The following PTPRS variants were observed in gnomAD, a reference collection of about 807,000 sequenced individuals.
PTPRS encodes protein tyrosine phosphatase receptor type S, also known as receptor-type tyrosine-protein phosphatase S.
Under a neutral mutation model 215.3 loss-of-function variants are expected in PTPRS, and 63 were observed. The observed-to-expected ratio is 0.29, with a 90% confidence interval of 0.24 to 0.36. PTPRS has a LOEUF of 0.36. Ranked by LOEUF, PTPRS falls within the 10% of genes least tolerant of loss-of-function variation. The probability of loss-of-function intolerance (pLI) is 1.00; values close to 1 mark genes in which losing one functional copy is unlikely to be tolerated. For missense variants in PTPRS, 2,258 were observed against 2,825.8 expected (o/e 0.80, Z 4.56); for synonymous variants, 1,404 against 1,191.4 (o/e 1.18, Z -3.68).
chr19:5,339,781 T>C lies in PTPRS; in HGVS notation c.-95+883A>G, dbSNP rs1400640986. 6.6e-6 allele frequency among the ~76,000 whole-genome samples: 1 copy of C among 150,720 alleles called. No individual in the cohort carries two copies. The highest frequency in any genetic ancestry group is 2.4e-5 in the African/African-American group (1 of 40,954). On this transcript the variant is annotated intron_variant, in intron 1 of 37. Coordinates refer to ENST00000262963, the MANE Select transcript of PTPRS (RefSeq NM_002850.4). The surrounding 1 kb of genome is among the most constrained non-coding windows in gnomAD (Gnocchi z 4.2). ...CCCTCCCCCCGCAGCCCCCGGGGGC[T>C]CCCGGGGCGTGCGGAACCCGCGGGG...
chr19:5,218,349 T>G (rs994693405), intron 25 of PTPRS, 71 bp downstream of exon 25: 4 of 1,412,990 alleles, frequency 2.8e-6, no homozygotes, highest in Non-Finnish European at 3.9e-6. Context: ...GCCCCCAGGG[T>G]GGCAGCTACT....
At chr19:5,246,125 G>A in intron 9 of PTPRS, 80 bp from the exon 10 acceptor site, 1 of 773,118 alleles carries the variant, frequency 1.3e-6, no homozygotes, top group Non-Finnish European at 1.8e-6. Flanking sequence ...AAGACAGGAT[G>A]CGGAGGAGAA....
rs147678121 is a variant in PTPRS at position 5,328,279 on chromosome 19, G to A, written c.-95+12385C>T. ...TTACTGGCACACACCACCACGGCCA[G>A]CTGTATTTTTAGTAGAGACTGGGTT... On this transcript the variant is annotated intron_variant, in intron 1 of 37. Transcript: ENST00000262963. 6.6e-5 allele frequency among the ~76,000 whole-genome samples: 10 copies of A among 152,206 alleles called. No homozygotes were observed. In the East Asian group the frequency reaches 1.9e-3, roughly 30 times the overall value.
intron 1 of PTPRS, among the ~76,000 whole-genome samples, chr19:5,328,700 C>G (rs2050235568): frequency 6.6e-6 from 1 of 152,030 alleles, no homozygotes; most frequent in South Asian, 2.1e-4. Context: ...GAGGCTGAGA[C>G]AGGTGGATCA....
rs994318378 is a variant in PTPRS, at chr19:5,219,868, G to C, written c.3765+71C>G. The C allele has an allele frequency of 7.1e-5, 108 of 1,522,530 alleles. 1 individual carries two copies. The highest frequency in any genetic ancestry group is 9.6e-5 in the Non-Finnish European group (107 of 1,111,398). The allele number at this position is 1,522,530 out of a possible 1,614,324, so 94.3% of individuals were successfully genotyped here. A position where few individuals can be genotyped will look rare whatever the true frequency, so the allele number is the denominator to read the frequency against. ...GCCTGTGACTGACCACAGAGGTCAGGGCCCTGGGGAATGGGGTCTGCCTCA... is the reference window on the plus strand; with the variant it reads ...GCCTGTGACTGACCACAGAGGTCAGCGCCCTGGGGAATGGGGTCTGCCTCA... On this transcript the variant is annotated intron_variant, in intron 22 of 37. Coordinates refer to ENST00000262963, the MANE Select transcript of PTPRS (RefSeq NM_002850.4).
chr19:5,212,989 C>T (rs1338234222), intron 30 of PTPRS, among the ~76,000 whole-genome samples: 1 of 152,146 alleles, frequency 6.6e-6, no homozygotes, highest in Non-Finnish European at 1.5e-5. Flanking sequence ...GCCTTCTCCC[C>T]AAACCTGCTC....
chr19:5,213,280 C>T (rs1282737826), intron 30 of PTPRS, among the ~76,000 whole-genome samples: 1 of 152,228 alleles, frequency 6.6e-6, no homozygotes, highest in Non-Finnish European at 1.5e-5. Context: ...CTGGTACCTC[C>T]TCTGCCCACA....
intron 13 of PTPRS, among the ~76,000 whole-genome samples, chr19:5,232,639 T>C (rs2043111482): frequency 1.3e-5 from 2 of 150,254 alleles, no homozygotes; most frequent in African/African-American, 4.9e-5. Context: ...GCACCTACTA[T>C]GTGCCAGGCA....
chr19:5,297,791 C>CTTT (rs373472522), intron 1 of PTPRS, among the ~76,000 whole-genome samples: 14 of 131,362 alleles, frequency 1.1e-4, no homozygotes, highest in African/African-American at 1.7e-4. Context: ...CTTTTCTTTT[C>CTTT]TTTTTTTTTT....
intron 7 of PTPRS, among the ~76,000 whole-genome samples, chr19:5,260,053 G>A (rs1047194494): frequency 6.6e-6 from 1 of 152,100 alleles, no homozygotes; most frequent in African/African-American, 2.4e-5. Flanking sequence ...GGCAAAAGTT[G>A]GGTAGGGGGA....
At position 5,286,096 on chromosome 19, in the gene PTPRS, G is replaced by A. The variant is rs752241385; in HGVS notation, c.45C>T (p.Pro15=). Residue 15 remains proline (P), a synonymous_variant, in exon 2 of 38, where the codon CCC becomes CCT. Coordinates refer to ENST00000262963, the MANE Select transcript of PTPRS (RefSeq NM_002850.4). ...CGAGCAGGACCACAAGGAGGCCCAT[G>A]GGACCAACCACAGACACCATGCCAG... ...WGPGMVSVVG[P]MGLLVVLLVG... is the part of the protein sequence containing the mutation. 19 of 1,614,132 alleles carry A rather than the reference G, an allele frequency of 1.2e-5. No homozygotes were observed. In the Admixed American group the frequency reaches 1.8e-4, roughly 16 times the overall value.
At position 5,206,445 on chromosome 19, in the gene PTPRS, C is replaced by T; in HGVS notation, c.*329G>A. On this transcript the variant is annotated 3_prime_UTR_variant, in exon 38 of 38. Coordinates refer to ENST00000262963, the MANE Select transcript of PTPRS (RefSeq NM_002850.4). ...ACGAGGGGTCCGTCTATGGTCTGTG[C>T]CCCACCCTCCTCTGGTTCTGGGGAG... 2.6e-6 allele frequency: 1 copy of T among 382,400 alleles called. No individual in the cohort carries two copies. The allele number at this position is 382,400 out of a possible 1,614,324, so 23.7% of individuals were successfully genotyped here. A position where few individuals can be genotyped will look rare whatever the true frequency, so the allele number is the denominator to read the frequency against.
At chr19:5,297,088 T>C (rs961912858) in intron 1 of PTPRS, among the ~76,000 whole-genome samples, 4 of 152,106 alleles carry the variant, frequency 2.6e-5, no homozygotes, top group African/African-American at 9.7e-5. Context: ...AAGCCCTCCC[T>C]GATTGCCCCG....
rs114894615 is a variant in PTPRS at position 5,211,998 on chromosome 19, G to C, written c.5022C>G (p.Gly1674=). The C allele has an allele frequency of 8.7e-6, 14 of 1,611,736 alleles. No homozygotes were observed. The highest frequency in any genetic ancestry group is 1.1e-5 in the Non-Finnish European group (13 of 1,179,268). ...CGAGTTCCATGCCAGTGACGTGTTC[G>C]CCAGGCTCCACCTGGGCCAGCTTCT... is the stretch of plus-strand genomic sequence containing the variant. ...YIQKLAQVEP[G]EHVTGMELEF... Residue 1674 remains glycine (G), a synonymous_variant, in exon 32 of 38, where the codon GGC becomes GGG. Coordinates refer to ENST00000262963, the MANE Select transcript of PTPRS (RefSeq NM_002850.4).
chr19:5,263,892 T>C (rs2046210905), intron 5 of PTPRS, among the ~76,000 whole-genome samples: 1 of 152,196 alleles, frequency 6.6e-6, no homozygotes, highest in Non-Finnish European at 1.5e-5. Context: ...TGCACACCTG[T>C]GCCCACAGGC....
chr19:5,224,462 A>C (rs1434782074), intron 17 of PTPRS, among the ~76,000 whole-genome samples: 1 of 152,224 alleles, frequency 6.6e-6, no homozygotes, highest in Non-Finnish European at 1.5e-5. Flanking sequence ...TGGGACATAA[A>C]GAAATCCAAA....
intron 4 of PTPRS, among the ~76,000 whole-genome samples, chr19:5,266,523 C>T (rs1196108873): frequency 1.3e-5 from 2 of 151,968 alleles, no homozygotes; most frequent in Non-Finnish European, 2.9e-5. Flanking sequence ...ATGCACTCCA[C>T]GCCCGGCTAA....
At chr19:5,265,647 C>T (rs930659480) in intron 4 of PTPRS, among the ~76,000 whole-genome samples, 2 of 151,902 alleles carry the variant, frequency 1.3e-5, no homozygotes, top group Non-Finnish European at 2.9e-5. Context: ...TGGTTGGGTC[C>T]CTCTTCTGTA....
At chr19:5,217,685 G>A (rs1165145648) in intron 25 of PTPRS, among the ~76,000 whole-genome samples, 8 of 152,178 alleles carry the variant, frequency 5.3e-5, no homozygotes, top group African/African-American at 9.7e-5. Flanking sequence ...TCAGAGATAC[G>A]AAGTGGAGAC....
Sources: gnomAD v4.1 joint callset for allele counts (sites outside exome capture counted in the v4.1 genomes callset) on GRCh38, gnomAD v4.1.1 for gene constraint, Gnocchi (gnomAD v3.1) non-coding constraint, MANE v1.5 for transcripts, NCBI Gene and HGNC (gene_info 2026-07-23, HGNC 2026-07-21) for gene names.